Variants in PCDHGB2 observed in about 807,000 individuals in gnomAD.
PCDHGB2 encodes protocadherin gamma subfamily B, 2, also known as protocadherin gamma-B2.
PCDHGB2 carries 55 observed loss-of-function variants against 59.3 expected under a neutral mutation model. The ratio of observed to expected loss-of-function variants is 0.93; its 90% CI spans 0.75 to 1.16. PCDHGB2 has a LOEUF of 1.16. PCDHGB2 is among the 50% of genes most tolerant of loss of function. PCDHGB2 has a pLI of 0.00. For missense variants in PCDHGB2, 1,228 were observed against 1,198.5 expected (o/e 1.02, Z -0.36); for synonymous variants, 516 against 512.0 (o/e 1.01, Z -0.11).
At chr5:141,408,608 A>C in intron 1 of PCDHGB2, 1 of 1,614,072 alleles carries the variant, frequency 6.2e-7, no homozygotes, top group South Asian at 1.1e-5. Context: ...ATTTGATAAA[A>C]AGGAAATACA....
intron 1 of PCDHGB2, chr5:141,390,342 G>A (rs1484978612): frequency 6.3e-7 from 1 of 1,581,534 alleles, no homozygotes; most frequent in Non-Finnish European, 8.6e-7. Context: ...ATATTCACAA[G>A]AAAATATACA....
intron 1 of PCDHGB2, chr5:141,371,677 G>A (rs751155238): frequency 1.9e-6 from 3 of 1,613,896 alleles, no homozygotes; most frequent in Non-Finnish European, 2.5e-6. Context: ...ACCGACAAAG[G>A]CAATCCACCG....
chr5:141,419,177 C>G (rs1223789288), intron 1 of PCDHGB2: 3 of 1,613,980 alleles, frequency 1.9e-6, no homozygotes, highest in Non-Finnish European at 2.5e-6. Flanking sequence ...AACCATAACC[C>G]TGCACATTAC....
Position 141,373,957 on chromosome 5 carries a change from C to A in PCDHGB2, c.2421+11401C>A, listed in dbSNP as rs114705983. ...CAGGAAAGCTGTGCAGAAATTCTGA[C>A]CTGAAACGCTTCGCATCCGGTCTCT... On this transcript the variant is annotated intron_variant, in intron 1 of 3. Coordinates refer to ENST00000522605, the MANE Select transcript of PCDHGB2 (RefSeq NM_018923.3). 3.8e-3 allele frequency: 3,425 copies of A among 890,772 alleles called. 11 individuals carry two copies. Among genetic ancestry groups the A allele is most frequent in the Non-Finnish European group, 4.4e-3 (2,783 of 626,468 alleles). The allele number at this position is 890,772 out of a possible 1,614,324, so 55.2% of individuals were successfully genotyped here.
At chr5:141,399,256 G>T in intron 1 of PCDHGB2, 3 of 1,613,964 alleles carry the variant, frequency 1.9e-6, no homozygotes, top group Non-Finnish European at 2.5e-6. Flanking sequence ...GGAAAATGGG[G>T]AGGTTAATTG....
In PCDHGB2 at chr5:141,489,116, C is replaced by A; in HGVS notation, c.2422-5691C>A. Reference sequence around the variant, plus strand: ...TAAGAACTGCTGCAAGCAGGCAAACCTCCGAGCAGTTTTTAAGAGGCTGGA... The same window carrying A: ...TAAGAACTGCTGCAAGCAGGCAAACATCCGAGCAGTTTTTAAGAGGCTGGA... On this transcript the variant is annotated intron_variant, in intron 1 of 3. Transcript: ENST00000522605. The surrounding 1 kb of genome is among the most constrained non-coding windows in gnomAD (Gnocchi z 4.5). 3.7e-6 allele frequency: 2 copies of A among 536,398 alleles called. No homozygotes were observed. The highest frequency in any genetic ancestry group is 6.2e-6 in the Non-Finnish European group (2 of 322,530). 33.2% of individuals were successfully genotyped at this position (536,398 alleles called of 1,614,324 possible).
intron 1 of PCDHGB2, chr5:141,423,758 G>GA: frequency 1.1e-5 from 4 of 366,840 alleles, no homozygotes; most frequent in South Asian, 8.5e-5. Flanking sequence ...TTTGGGGGGG[G>GA]GGTGGGGCGG....
At chr5:141,398,621 ACT>A in intron 1 of PCDHGB2, 3 of 1,613,968 alleles carry the variant, frequency 1.9e-6, no homozygotes, top group Non-Finnish European at 2.5e-6. Flanking sequence ...ATTGGCTTAA[ACT>A]CTCTGCAGAA....
intron 1 of PCDHGB2, chr5:141,418,921 T>A (rs897705216): frequency 1.9e-6 from 3 of 1,613,928 alleles, no homozygotes; most frequent in Admixed American, 3.3e-5. Context: ...CACTCTCTGA[T>A]CAGATTATGG....
intron 1 of PCDHGB2, chr5:141,384,886 G>T: frequency 6.2e-7 from 1 of 1,613,822 alleles, no homozygotes. Context: ...ACTCACCGTG[G>T]CTGTGGCTGA....
chr5:141,413,524 A>T lies in PCDHGB2; in HGVS notation c.2421+50968A>T, dbSNP rs772774054. The T allele has an allele frequency of 9.3e-6, 15 of 1,613,856 alleles. No individual in the cohort carries two copies. In the Admixed American group the frequency reaches 2.5e-4, roughly 27 times the overall value. ...GAGTTTTAATATCCTTGTGGAAGACAGGGTGAAACTTTTTGGGATAGAAAT... is the reference window on the plus strand; with the variant it reads ...GAGTTTTAATATCCTTGTGGAAGACTGGGTGAAACTTTTTGGGATAGAAAT... On this transcript the variant is annotated intron_variant, in intron 1 of 3. Coordinates refer to ENST00000522605, the MANE Select transcript of PCDHGB2 (RefSeq NM_018923.3).
chr5:141,474,180 A>G (rs763042503), intron 1 of PCDHGB2, among the ~76,000 whole-genome samples: 4 of 152,240 alleles, frequency 2.6e-5, no homozygotes, highest in Non-Finnish European at 4.4e-5. Context: ...TGAGAAAACT[A>G]CTTACATTTT....
At chr5:141,371,900 G>T in intron 1 of PCDHGB2, 4 of 1,613,378 alleles carry the variant, frequency 2.5e-6, no homozygotes, top group Middle Eastern at 1.6e-4. Flanking sequence ...GGGAGCTGTC[G>T]TCCTACGTGT....
chr5:141,387,471 T>C (rs1321289050), intron 1 of PCDHGB2, among the ~76,000 whole-genome samples: 3 of 152,232 alleles, frequency 2.0e-5, no homozygotes, highest in East Asian at 1.9e-4. Flanking sequence ...ATCCTCAAAG[T>C]TGGGATGAAG....
rs372245447 is a variant in PCDHGB2, at chr5:141,489,609, C to T, written c.2422-5198C>T. ...AGCTAATCCGTGTAGAGGTAGAGAT[C>T]CTGGATCTCAATGACAACTCTCCTA... On this transcript the variant is annotated intron_variant, in intron 1 of 3. Coordinates refer to ENST00000522605, the MANE Select transcript of PCDHGB2 (RefSeq NM_018923.3). This position sits in a 1 kb window ranked among gnomAD's most constrained non-coding sequence, Gnocchi z 4.5. The T allele has an allele frequency of 1.9e-6, 3 of 1,613,934 alleles. No homozygotes were observed. The African/African-American group carries it at 4.0e-5, about 22-fold the overall frequency.
chr5:141,388,778 A>G, intron 1 of PCDHGB2: 1 of 1,613,944 alleles, frequency 6.2e-7, no homozygotes, highest in Non-Finnish European at 8.5e-7. Flanking sequence ...ACACCGGGGA[A>G]ATTACTGTTT....
chr5:141,455,047 C>T (rs2098811276), intron 1 of PCDHGB2, among the ~76,000 whole-genome samples: 1 of 150,004 alleles, frequency 6.7e-6, no homozygotes, highest in African/African-American at 2.5e-5. Context: ...CTCCTGACCT[C>T]GTGATCCGCC....
chr5:141,427,149 A>G (rs1303323489), intron 1 of PCDHGB2: 1 of 456,850 alleles, frequency 2.2e-6, no homozygotes, highest in Non-Finnish European at 4.4e-6. Context: ...TATTGGAAAT[A>G]TGTTTGTGCT....
At chr5:141,366,954 C>A in intron 1 of PCDHGB2, 1 of 692,400 alleles carries the variant, frequency 1.4e-6, no homozygotes. Flanking sequence ...TATCTGTAGA[C>A]TTAAGTGAAA....
Sources: gnomAD v4.1 joint callset for allele counts (sites outside exome capture counted in the v4.1 genomes callset) on GRCh38, gnomAD v4.1.1 for gene constraint, Gnocchi (gnomAD v3.1) non-coding constraint, MANE v1.5 for transcripts, NCBI Gene and HGNC (gene_info 2026-07-23, HGNC 2026-07-21) for gene names.